MUS81: variants seen among roughly 807,000 people sequenced by gnomAD.
The protein encoded by MUS81 is structure-specific endonuclease subunit MUS81.
A neutral mutation model predicts 74.2 loss-of-function variants in MUS81; 69 were observed. The ratio of observed to expected loss-of-function variants is 0.93; its 90% CI spans 0.77 to 1.14. MUS81 has a LOEUF of 1.14. Ranked by LOEUF, MUS81 falls within the 50% of genes most tolerant of loss-of-function variation. The probability of loss-of-function intolerance (pLI) is 0.00; values close to 1 mark genes in which losing one functional copy is unlikely to be tolerated. For synonymous variants in MUS81, 303 were observed against 300.6 expected (o/e 1.01, Z -0.08); for missense variants, 711 against 726.5 (o/e 0.98, Z 0.25).
chr11:65,865,719 C>T lies in MUS81; in HGVS notation c.1506-92C>T, dbSNP rs563712617. On this transcript the variant is annotated intron_variant, in intron 14 of 15. Transcript: ENST00000308110. ...AAGTGGGGCAGTGTCCCAACTCTTC[C>T]ATCCCATGCTGACCCCTCTGCCTGG... 5,885 of 1,290,048 alleles carry T rather than the reference C, an allele frequency of 4.6e-3. 30 individuals are homozygous for T. The highest frequency in any genetic ancestry group is 5.3e-3 in the Non-Finnish European group (4,768 of 901,544). The allele number at this position is 1,290,048 out of a possible 1,614,324, so 79.9% of individuals were successfully genotyped here.
At chr11:65,862,599 C>G in intron 6 of MUS81, 70 bp downstream of exon 6, 1 of 1,405,898 alleles carries the variant, frequency 7.1e-7, no homozygotes, top group Non-Finnish European at 1.0e-6. Flanking sequence ...AGTCACCCAA[C>G]AACTCCCAGA....
intron 14 of MUS81, 25 bp from the exon 15 acceptor site, chr11:65,865,786 A>G (rs2134740976): frequency 6.2e-7 from 1 of 1,611,906 alleles, no homozygotes; most frequent in Non-Finnish European, 8.5e-7. Context: ...TGTCAGCCTC[A>G]GAAACTCAAA....
rs1469285241 is a variant in MUS81 at position 65,862,533 on chromosome 11, G to A, written c.605+4G>A. The A allele has an allele frequency of 6.2e-7, 1 of 1,613,368 alleles. No homozygotes were observed. The highest frequency in any genetic ancestry group is 1.1e-5 in the South Asian group (1 of 91,076). ...TCAGGACACACCAGCCAGCCAGGTG[G>A]GGCCAACTGCAGGAGATACAGGAGA... is the stretch of plus-strand genomic sequence containing the variant. On this transcript the variant is annotated splice_donor_region_variant and intron_variant, in intron 6 of 15. Transcript: ENST00000308110.
At chr11:65,867,053 C>A (rs1449748991), downstream of MUS81, 3 of 1,614,152 alleles carry the variant, frequency 1.9e-6, no homozygotes, top group Admixed American at 3.3e-5. Context: ...GGGCGAGGAC[C>A]AGCATGGCGC....
chr11:65,863,563 C>T, intron 8 of MUS81, 37 bp from the exon 9 acceptor site: 1 of 1,613,910 alleles, frequency 6.2e-7, no homozygotes, highest in Non-Finnish European at 8.5e-7. Flanking sequence ...TAGGCACTGC[C>T]CTGCTCTGAT....
rs139826373 is a variant in MUS81 at position 65,862,530 on chromosome 11, G to A, written c.605+1G>A. On this transcript the variant is annotated splice_donor_variant, in intron 6 of 15. Coordinates refer to ENST00000308110, the MANE Select transcript of MUS81 (RefSeq NM_025128.5). LOFTEE classifies it high-confidence loss of function. ...TCCTCAGGACACACCAGCCAGCCAG[G>A]TGGGGCCAACTGCAGGAGATACAGG... The A allele has an allele frequency of 6.2e-7, 1 of 1,613,486 alleles. No homozygotes were observed. The highest frequency in any genetic ancestry group is 1.7e-5 in the Admixed American group (1 of 60,030).
At position 65,863,049 on chromosome 11, in the gene MUS81, C is replaced by T. The variant is rs1591057310; in HGVS notation, c.606-16C>T. 10 of 1,613,756 alleles carry T rather than the reference C, an allele frequency of 6.2e-6. No individual in the cohort carries two copies. The highest frequency in any genetic ancestry group is 2.2e-5 in the East Asian group (1 of 44,900). ...AGTGAAGAAGGTAGAGCTGTGTTGTCCCCTCTGCCTCCCAGGTACTCATTG... is the reference window on the plus strand; with the variant it reads ...AGTGAAGAAGGTAGAGCTGTGTTGTTCCCTCTGCCTCCCAGGTACTCATTG... On this transcript the variant is annotated splice_polypyrimidine_tract_variant and intron_variant, in intron 6 of 15. Transcript: ENST00000308110.
rs147280124 is a variant in MUS81, at chr11:65,862,010, C to G, written c.415C>G (p.Arg139Gly). The G allele has an allele frequency of 6.8e-6, 11 of 1,610,694 alleles. No individual in the cohort carries two copies. Among genetic ancestry groups the G allele is most frequent in the East Asian group, 2.2e-5 (1 of 44,792 alleles). The change falls in exon 4 of 16, where the codon CGA becomes GGA. Residue 139 changes from arginine to glycine, a missense_variant. Transcript: ENST00000308110. ...SYWPARHSGA[R>G]VILLVLYREH... ...CTGGCCAGCTCGGCACTCAGGAGCC[C>G]GAGTGATACTGCTGGTGCTCTACCG...
At position 65,860,567 on chromosome 11, in the gene MUS81, A is replaced by G; in HGVS notation, c.-187A>G. The G allele has an allele frequency of 1.4e-6, 1 of 714,746 alleles. No individual in the cohort carries two copies. The highest frequency in any genetic ancestry group is 2.3e-6 in the Non-Finnish European group (1 of 428,968). 44.3% of individuals were successfully genotyped at this position (714,746 alleles called of 1,614,324 possible). On this transcript the variant is annotated 5_prime_UTR_variant, in exon 1 of 16. Transcript: ENST00000308110. ...CCACTTAGAGCAGCGCAGGGGTGGG[A>G]GGGCGGCCGCAGGCTCTCCTCTCGT...
In MUS81 at chr11:65,866,127, T is replaced by C; in HGVS notation, c.*75T>C. The C allele has an allele frequency of 7.1e-7, 1 of 1,400,642 alleles. No homozygotes were observed. The highest frequency in any genetic ancestry group is 2.0e-5 in the Admixed American group (1 of 50,010). 86.8% of individuals were successfully genotyped at this position (1,400,642 alleles called of 1,614,324 possible). A position where few individuals can be genotyped will look rare whatever the true frequency, so the allele number is the denominator to read the frequency against. On this transcript the variant is annotated 3_prime_UTR_variant, in exon 16 of 16. Transcript: ENST00000308110. ...CTAGCCAGCCTTTTAACAACATCTT[T>C]TGGGGTACAATTAGAATCTAAGTGT...
In MUS81 at chr11:65,865,219, G is replaced by A; in HGVS notation, c.1402-1G>A. On this transcript the variant is annotated splice_acceptor_variant, in intron 13 of 15. Coordinates refer to ENST00000308110, the MANE Select transcript of MUS81 (RefSeq NM_025128.5). LOFTEE classifies it high-confidence loss of function. ...CTGATCCAGCCCTTTCCCGAACCCA[G>A]GCCCAGTCGGTGCGAGAAGTGTTTG... is the stretch of plus-strand genomic sequence containing the variant. The A allele has an allele frequency of 6.2e-7, 1 of 1,614,126 alleles. No individual in the cohort carries two copies. The highest frequency in any genetic ancestry group is 8.5e-7 in the Non-Finnish European group (1 of 1,180,004).
Position 65,864,609 on chromosome 11 carries a change from C to G in MUS81, c.1172C>G (p.Thr391Ser). The change falls in exon 11 of 16, where the codon ACT becomes AGT. Residue 391 changes from threonine to serine, a missense_variant. Coordinates refer to ENST00000308110, the MANE Select transcript of MUS81 (RefSeq NM_025128.5). ...ESTLLQAVTN[T>S]QVIDGFFVKR... The stretch of plus-strand genomic sequence containing the variant: ...ACACTGCTGCAGGCTGTCACCAACA[C>G]TCAGGTGAGCTGGGAGGGCAGGGCC... 1.2e-6 allele frequency: 2 copies of G among 1,613,960 alleles called. No individual in the cohort carries two copies. Among genetic ancestry groups the G allele is most frequent in the Non-Finnish European group, 1.7e-6 (2 of 1,179,876 alleles).
At position 65,860,580 on chromosome 11, in the gene MUS81, G is replaced by A; in HGVS notation, c.-174G>A. ...CGCAGGGGTGGGAGGGCGGCCGCAG[G>A]CTCTCCTCTCGTTAGTGCCCCCTGT... On this transcript the variant is annotated 5_prime_UTR_variant, in exon 1 of 16. Transcript: ENST00000308110. The A allele has an allele frequency of 2.4e-6, 2 of 819,998 alleles. No individual in the cohort carries two copies. The highest frequency in any genetic ancestry group is 3.2e-5 in the South Asian group (2 of 62,138). 50.8% of individuals were successfully genotyped at this position (819,998 alleles called of 1,614,324 possible).
upstream of MUS81, chr11:65,860,417 C>T (rs1859541159): frequency 3.9e-6 from 2 of 507,714 alleles, no homozygotes; most frequent in South Asian, 3.3e-5. Context: ...AAAGACCCCG[C>T]TCTCGAATCT....
Position 65,860,801 on chromosome 11 carries a change from T to G in MUS81, c.48T>G (p.Cys16Trp). 2.6e-6 allele frequency: 4 copies of G among 1,544,016 alleles called. No homozygotes were observed. The highest frequency in any genetic ancestry group is 3.5e-6 in the Non-Finnish European group (4 of 1,148,166). Residue 16 changes from cysteine to tryptophan, a missense_variant, in exon 1 of 16, where the codon TGT becomes TGG. Coordinates refer to ENST00000308110, the MANE Select transcript of MUS81 (RefSeq NM_025128.5). Reference sequence around the variant, plus strand: ...GCCGGAAGCGCCCGCTGCCTGCCTGTCCCAACCCGCTCTTCGTTCGCTGGC... The same window carrying G: ...GCCGGAAGCGCCCGCTGCCTGCCTGGCCCAACCCGCTCTTCGTTCGCTGGC... ...RLGRKRPLPA[C>W]PNPLFVRWLT... is the part of the protein sequence containing the mutation.
In MUS81 at chr11:65,866,207, A is replaced by G; in HGVS notation, c.*155A>G. 1.4e-6 allele frequency: 1 copy of G among 709,530 alleles called. No individual in the cohort carries two copies. Among genetic ancestry groups the G allele is most frequent in the Admixed American group, 2.9e-5 (1 of 33,972 alleles). The allele number at this position is 709,530 out of a possible 1,614,324, so 44.0% of individuals were successfully genotyped here. ...CCTAGCCCTGGGGACCTTGTGAAAT[A>G]CGCAGGAACCAGGGATACCATCTGG... On this transcript the variant is annotated 3_prime_UTR_variant, in exon 16 of 16. Transcript: ENST00000308110.
upstream of MUS81, chr11:65,860,084 T>C: frequency 2.8e-6 from 1 of 355,780 alleles, no homozygotes; most frequent in Admixed American, 3.2e-5. Flanking sequence ...ACACACTCTT[T>C]GCCCTGTATC....
Position 65,865,250 on chromosome 11 carries a change from C to T in MUS81, c.1432C>T (p.Gln478Ter). Residue 478 changes from glutamine (Q) to a stop codon, truncating the protein, a stop_gained, in exon 14 of 16, where the codon CAG becomes TAG. Coordinates refer to ENST00000308110, the MANE Select transcript of MUS81 (RefSeq NM_025128.5). LOFTEE classifies it high-confidence loss of function. ...AQSVREVFAR[Q>*]LMQVRGVSGE... ...GTCGGTGCGAGAAGTGTTTGCCCGG[C>T]AGCTGATGCAGGTGCGCGGAGTGAG... 6.2e-7 allele frequency: 1 copy of T among 1,614,168 alleles called. No individual in the cohort carries two copies. The highest frequency in any genetic ancestry group is 8.5e-7 in the Non-Finnish European group (1 of 1,180,016).
chr11:65,865,217 C>T lies in MUS81; in HGVS notation c.1402-3C>T. On this transcript the variant is annotated splice_region_variant and splice_polypyrimidine_tract_variant and intron_variant, in intron 13 of 15. Transcript: ENST00000308110. The stretch of plus-strand genomic sequence containing the variant: ...CACTGATCCAGCCCTTTCCCGAACC[C>T]AGGCCCAGTCGGTGCGAGAAGTGTT... 6.2e-7 allele frequency: 1 copy of T among 1,614,146 alleles called. No homozygotes were observed. Among genetic ancestry groups the T allele is most frequent in the Non-Finnish European group, 8.5e-7 (1 of 1,180,002 alleles).
Sources: gnomAD v4.1 joint callset for allele counts on GRCh38, gnomAD v4.1.1 for gene constraint, MANE v1.5 for transcripts, NCBI Gene and HGNC (gene_info 2026-07-23, HGNC 2026-07-21) for gene names.